The following CLDN10 variants were observed in gnomAD, a reference collection of about 807,000 sequenced individuals.
CLDN10 encodes claudin-10.
In CLDN10, 15 loss-of-function variants were observed where a neutral mutation model predicts 22.9. The observed-to-expected ratio is 0.65, with a 90% CI of 0.44 to 1.01. The LOEUF (loss-of-function observed/expected upper bound fraction) is 1.01, where lower values mean the gene tolerates loss of function less well. CLDN10 is among the 50% of genes least tolerant of loss of function. The pLI, the probability that CLDN10 is intolerant of heterozygous loss-of-function variation, is 0.00. For synonymous variants in CLDN10, 114 were observed against 111.4 expected, an observed-to-expected ratio of 1.02 and a Z score of -0.15; for missense variants, 247 against 287.8, an observed-to-expected ratio of 0.86 and a Z score of 1.03.
intron 1 of CLDN10, among the ~76,000 whole-genome samples, chr13:95,493,132 G>A (rs950975359): frequency 2.0e-5 from 3 of 152,042 alleles, no homozygotes; most frequent in Non-Finnish European, 4.4e-5. Flanking sequence ...TTCTCCAGCT[G>A]AGGGTAAGGG....
At chr13:95,575,623 C>T (rs1243401825) in intron 3 of CLDN10, among the ~76,000 whole-genome samples, 1 of 123,694 alleles carries the variant, frequency 8.1e-6, no homozygotes, top group East Asian at 2.5e-4. Context: ...TGTTTTTCCT[C>T]GCTTATACAA....
chr13:95,557,064 T>C (rs1038266571), intron 1 of CLDN10, among the ~76,000 whole-genome samples: 10 of 152,382 alleles, frequency 6.6e-5, no homozygotes, highest in African/African-American at 2.4e-4. Flanking sequence ...CAGCTGAGTA[T>C]GATTTTCAGC....
At chr13:95,556,238 G>T (rs2389265) in intron 1 of CLDN10, among the ~76,000 whole-genome samples, 3,006 of 151,996 alleles carry the variant, frequency 0.02, 96 homozygotes, top group African/African-American at 0.068. Flanking sequence ...TAGAGACAGG[G>T]TTTCACCATG....
intron 1 of CLDN10, among the ~76,000 whole-genome samples, chr13:95,498,718 A>G (rs2042953398): frequency 2.0e-5 from 3 of 152,178 alleles, no homozygotes; most frequent in Admixed American, 2.0e-4. Flanking sequence ...TATAATTTTT[A>G]AATTGTGATA....
At chr13:95,514,420 T>C (rs2043140060) in intron 1 of CLDN10, among the ~76,000 whole-genome samples, 1 of 112,976 alleles carries the variant, frequency 8.9e-6, no homozygotes. Context: ...CAGGAGCCAG[T>C]TGCTAAATGT....
intron 3 of CLDN10, chr13:95,560,706 AT>A (rs1408879468): frequency 2.0e-6 from 1 of 488,614 alleles, no homozygotes; most frequent in Non-Finnish European, 3.7e-6. Context: ...ATTTAGAACT[AT>A]AAACTTCATC....
At chr13:95,434,792 G>A (rs552134007) in intron 1 of CLDN10, among the ~76,000 whole-genome samples, 4 of 151,930 alleles carry the variant, frequency 2.6e-5, no homozygotes, top group South Asian at 2.1e-4. Flanking sequence ...AAGGTAATCC[G>A]TATGTCTCCT....
intron 1 of CLDN10, among the ~76,000 whole-genome samples, chr13:95,543,972 G>A (rs894453591): frequency 2.0e-5 from 3 of 152,074 alleles, no homozygotes; most frequent in African/African-American, 7.2e-5. Flanking sequence ...ATACTCAAAA[G>A]AGCAAATACA....
intron 1 of CLDN10, among the ~76,000 whole-genome samples, chr13:95,493,921 G>A (rs776620788): frequency 6.6e-6 from 1 of 152,052 alleles, no homozygotes; most frequent in African/African-American, 2.4e-5. Context: ...CATCCACGTT[G>A]TGCATGTATC....
chr13:95,454,832 G>A (rs1164837637), intron 1 of CLDN10, among the ~76,000 whole-genome samples: 1 of 152,194 alleles, frequency 6.6e-6, no homozygotes, highest in African/African-American at 2.4e-5. Context: ...TGGGGGAGGT[G>A]TGGTGCCTAT....
At chr13:95,441,175 A>G in intron 1 of CLDN10, among the ~76,000 whole-genome samples, 1 of 152,216 alleles carries the variant, frequency 6.6e-6, no homozygotes, top group East Asian at 1.9e-4. Flanking sequence ...ATCTCTTCTC[A>G]TGTCACCAAG....
Position 95,433,968 on chromosome 13 carries a change from GGGTC to G in CLDN10, c.136_139del (p.Gly46CysfsTer3), listed in dbSNP as rs747059689. The G allele has an allele frequency of 3.1e-6, 5 of 1,614,140 alleles. No individual in the cohort carries two copies. The African/African-American group carries it at 6.7e-5, about 22-fold the overall frequency. ...TGATAACAGCCACTTGGGTTTACCA[GGGTC>G]TGTGGATGAACTGCGCAGGTAACGC... is the stretch of plus-strand genomic sequence containing the variant. On this transcript the variant is annotated frameshift_variant, in exon 1 of 5. Coordinates refer to the CLDN10 transcript ENST00000376873. LOFTEE classifies it high-confidence loss of function.
chr13:95,453,485 C>T (rs2042451730), intron 1 of CLDN10, among the ~76,000 whole-genome samples: 1 of 151,720 alleles, frequency 6.6e-6, no homozygotes, highest in South Asian at 2.1e-4. Flanking sequence ...GAGTTCCAGA[C>T]CAGCCTGGCC....
intron 3 of CLDN10, among the ~76,000 whole-genome samples, chr13:95,569,958 C>T (rs1421695525): frequency 6.6e-6 from 1 of 152,068 alleles, no homozygotes; most frequent in Non-Finnish European, 1.5e-5. Flanking sequence ...TTAGTAGAGA[C>T]GGGGTTTCAC....
At position 95,541,678 on chromosome 13, in the gene CLDN10, G is replaced by A. The variant is rs182495322; in HGVS notation, c.215-18454G>A. On this transcript the variant is annotated intron_variant, in intron 1 of 4. Transcript: ENST00000376873. ...TTTTTTCCACACTCACTTTTTAGAC[G>A]GGAAAAATGGGCCCAATCAAATGTA... Among the ~76,000 whole-genome samples, 37 of 152,112 alleles carry A rather than the reference G, an allele frequency of 2.4e-4. No individual in the cohort carries two copies. In the South Asian group the frequency reaches 2.5e-3, roughly 10 times the overall value.
intron 3 of CLDN10, among the ~76,000 whole-genome samples, chr13:95,568,859 G>A (rs1407618450): frequency 6.6e-6 from 1 of 152,138 alleles, no homozygotes; most frequent in East Asian, 1.9e-4. Context: ...GGGAGAGGCA[G>A]CATGGCACAC....
chr13:95,502,374 G>A (rs1449091023), intron 1 of CLDN10, among the ~76,000 whole-genome samples: 2 of 152,182 alleles, frequency 1.3e-5, no homozygotes, highest in East Asian at 3.8e-4. Flanking sequence ...TGTCTGAGCA[G>A]CCTCAGGGAG....
At chr13:95,474,263 A>G (rs559371740) in intron 1 of CLDN10, among the ~76,000 whole-genome samples, 3 of 152,262 alleles carry the variant, frequency 2.0e-5, no homozygotes, top group African/African-American at 7.2e-5. Flanking sequence ...GATCCCTCGT[A>G]TGTGCAGTTT....
rs74980012 is a variant in CLDN10, at chr13:95,455,762, C to T, written c.214+21715C>T. 1.1e-3 allele frequency among the ~76,000 whole-genome samples: 165 copies of T among 152,142 alleles called. 1 individual carries two copies. In the East Asian group the frequency reaches 0.028, roughly 26 times the overall value. On this transcript the variant is annotated intron_variant, in intron 1 of 4. Transcript: ENST00000376873. ...AGAGAGTTGAATAACTGTATATTGACCTGAATTGAAAAGAGAAATGGAAAC... is the reference window on the plus strand; with the variant it reads ...AGAGAGTTGAATAACTGTATATTGATCTGAATTGAAAAGAGAAATGGAAAC...
Sources: gnomAD v4.1 joint callset for allele counts (sites outside exome capture counted in the v4.1 genomes callset) on GRCh38, gnomAD v4.1.1 for gene constraint, MANE v1.5 for transcripts, NCBI Gene and HGNC (gene_info 2026-07-23, HGNC 2026-07-21) for gene names.